Variants in CEP83 observed in about 807,000 individuals in gnomAD.
CEP83 encodes the protein centrosomal protein of 83 kDa.
In CEP83, 70 loss-of-function variants were observed where a neutral mutation model predicts 101.9. That is an observed-to-expected ratio of 0.69 (90% CI 0.57 to 0.84). The LOEUF (loss-of-function observed/expected upper bound fraction) is 0.84. CEP83 is among the 40% of genes least tolerant of loss of function. The pLI is 0.00. For missense variants in CEP83, 715 were observed against 787.2 expected, an observed-to-expected ratio of 0.91 and a Z score of 1.10; for synonymous variants, 264 against 267.9, an observed-to-expected ratio of 0.99 and a Z score of 0.14.
chr12:94,412,448 T>C lies in CEP83; in HGVS notation c.43A>G (p.Asn15Asp). 1 of 1,612,834 alleles carries C rather than the reference T, an allele frequency of 6.2e-7. No individual in the cohort carries two copies. Among genetic ancestry groups the C allele is most frequent in the Non-Finnish European group, 8.5e-7 (1 of 1,179,540 alleles). Residue 15 changes from asparagine to aspartate, a missense_variant, in exon 3 of 17, where the codon AAT (asparagine) becomes GAT (aspartate). Physicochemically the swap from Asn to Asp is conservative, Grantham distance 23. Coordinates refer to ENST00000397809, the MANE Select transcript of CEP83 (RefSeq NM_016122.3). The stretch of plus-strand genomic sequence containing the variant: ...CCACTGTCTCCACCAGGAGGAAAAT[T>C]ATTGGGAAAAGTGTCCATATCGGTA... Reference protein sequence around the residue: ...TFTDMDTFPNNFPPGGDSGLT... With the variant: ...TFTDMDTFPNDFPPGGDSGLT...
chr12:94,277,856 T>C, the CEP83 span: 1 of 441,024 alleles, frequency 2.3e-6, no homozygotes, highest in Admixed American at 2.4e-5. Flanking sequence ...TTAATCTCCC[T>C]AACAATGCTA....
intron 11 of CEP83, among the ~76,000 whole-genome samples, chr12:94,338,101 C>T (rs1593241172): frequency 6.6e-6 from 1 of 152,058 alleles, no homozygotes; most frequent in East Asian, 1.9e-4. Flanking sequence ...TTGAAGTGAT[C>T]AGTTCTAGGT....
intron 2 of CEP83, among the ~76,000 whole-genome samples, chr12:94,417,827 A>G (rs1384325999): frequency 6.6e-6 from 1 of 152,194 alleles, no homozygotes; most frequent in African/African-American, 2.4e-5. Flanking sequence ...TACATTAAAA[A>G]AAGAAATCCA....
intron 1 of CEP83, among the ~76,000 whole-genome samples, chr12:94,454,636 G>A (rs2067513445): frequency 1.3e-5 from 2 of 152,310 alleles, no homozygotes; most frequent in South Asian, 4.1e-4. Flanking sequence ...TCCATGCCGT[G>A]GAAGCTCTGT....
the CEP83 span, among the ~76,000 whole-genome samples, chr12:94,299,228 G>T: frequency 6.6e-6 from 1 of 152,172 alleles, no homozygotes; most frequent in Non-Finnish European, 1.5e-5. Context: ...GCAGTACTCA[G>T]ATACTATGAG....
At chr12:94,422,769 T>C (rs2064860839) in intron 2 of CEP83, among the ~76,000 whole-genome samples, 3 of 152,266 alleles carry the variant, frequency 2.0e-5, no homozygotes, top group Middle Eastern at 3.2e-3. Flanking sequence ...ACCTATGTTT[T>C]TGTGTATCTC....
chr12:94,411,766 C>T lies in CEP83; in HGVS notation c.255G>A (p.Gln85=). ...CTCCTCTTAGTTCTTCAAGCAGGAG[C>T]TGAAGTTTTTCCTGCTGAGTTTGCT... ...NEKQTQQEKL[Q]LLLEELRGEL... Residue 85 remains glutamine (Q), a synonymous_variant, in exon 4 of 17, where the codon CAG becomes CAA. Coordinates refer to ENST00000397809, the MANE Select transcript of CEP83 (RefSeq NM_016122.3). 6.2e-7 allele frequency: 1 copy of T among 1,610,446 alleles called. No individual in the cohort carries two copies. Among genetic ancestry groups the T allele is most frequent in the Non-Finnish European group, 8.5e-7 (1 of 1,177,124 alleles).
intron 11 of CEP83, among the ~76,000 whole-genome samples, chr12:94,350,781 T>C (rs2060163644): frequency 6.6e-6 from 1 of 152,026 alleles, no homozygotes; most frequent in Non-Finnish European, 1.5e-5. Context: ...TAAACAAGAA[T>C]AAAAAATAAA....
the CEP83 span, among the ~76,000 whole-genome samples, chr12:94,274,174 A>T: frequency 6.7e-6 from 1 of 149,314 alleles, no homozygotes; most frequent in Admixed American, 6.7e-5. Context: ...AAAAAAAAAA[A>T]AAAAAAAAAA....
In CEP83 at chr12:94,307,845, A is replaced by T. The variant is rs536858409; in HGVS notation, c.*968T>A. On this transcript the variant is annotated 3_prime_UTR_variant, in exon 17 of 17. Transcript: ENST00000397809. ...GCTAAATGGTGCTAAGGACTGCTCAATTACAGTCCTGGCCTTCTTCACTAT... is the reference window on the plus strand; with the variant it reads ...GCTAAATGGTGCTAAGGACTGCTCATTTACAGTCCTGGCCTTCTTCACTAT... The T allele has an allele frequency of 6.6e-6, 1 of 152,192 alleles. No homozygotes were observed. The allele number at this position is 152,192 out of a possible 1,614,324, so 9.4% of individuals were successfully genotyped here.
rs1325649572 is a variant in CEP83, at chr12:94,367,931, C to T, written c.1206G>A (p.Glu402=). The T allele has an allele frequency of 6.2e-7, 1 of 1,613,220 alleles. No individual in the cohort carries two copies. Among genetic ancestry groups the T allele is most frequent in the Non-Finnish European group, 8.5e-7 (1 of 1,179,590 alleles). The change falls in exon 11 of 17, where the codon GAG becomes GAA. Residue 402 remains glutamate, a synonymous_variant. Transcript: ENST00000397809. ...TTTTCTCCAAATCTGCTAATCTGTT[C>T]TCGAGTTCTAACCTAAAACAAGAGA... The part of the protein sequence containing the change: ...VVLQDEKLEL[E]NRLADLEKMK...
chr12:94,310,158 C>G (rs1565887204), intron 15 of CEP83, 51 bp from the exon 16 acceptor site: 1 of 830,242 alleles, frequency 1.2e-6, no homozygotes. Flanking sequence ...CCTATTGAAG[C>G]ACAGTATGAT....
At chr12:94,270,526 A>G in the CEP83 span, among the ~76,000 whole-genome samples, 1 of 152,158 alleles carries the variant, frequency 6.6e-6, no homozygotes, top group Non-Finnish European at 1.5e-5. Context: ...CAGCAATGGA[A>G]ATGCCTTGCC....
intron 11 of CEP83, among the ~76,000 whole-genome samples, chr12:94,361,757 A>T (rs2060773672): frequency 6.6e-6 from 1 of 151,692 alleles, no homozygotes. Context: ...GCTGGGGTGC[A>T]ATGGCATGGT....
At chr12:94,432,061 T>G (rs1397452342) in intron 2 of CEP83, among the ~76,000 whole-genome samples, 10 of 151,308 alleles carry the variant, frequency 6.6e-5, no homozygotes, top group Admixed American at 6.6e-4. Flanking sequence ...ACTTTTTCTT[T>G]TTTTTTTTTT....
rs1427993677 is a variant in CEP83 at position 94,459,863 on chromosome 12, G to A, written c.-461C>T. The A allele has an allele frequency of 6.5e-6, 1 of 153,418 alleles. No homozygotes were observed. Among genetic ancestry groups the A allele is most frequent in the Non-Finnish European group, 1.5e-5 (1 of 68,896 alleles). 9.5% of individuals were successfully genotyped at this position (153,418 alleles called of 1,614,324 possible). A position where few individuals can be genotyped will look rare whatever the true frequency, so the allele number is the denominator to read the frequency against. On this transcript the variant is annotated 5_prime_UTR_variant, in exon 1 of 17. Coordinates refer to ENST00000397809, the MANE Select transcript of CEP83 (RefSeq NM_016122.3). ...TCCTCCGCGTGGACCGGGATCCTCA[G>A]GGGTGCGGCGCCACCCCACGTGCTG...
intron 1 of CEP83, among the ~76,000 whole-genome samples, chr12:94,448,579 A>C (rs1594133401): frequency 6.6e-6 from 1 of 152,320 alleles, no homozygotes; most frequent in East Asian, 1.9e-4. Flanking sequence ...ACTCATAAAA[A>C]ATGTGTGATC....
intron 2 of CEP83, chr12:94,423,662 G>T: frequency 1.3e-6 from 2 of 1,563,872 alleles, no homozygotes; most frequent in African/African-American, 1.4e-5. Flanking sequence ...TCCATTCCTG[G>T]TTAACCCTCT....
chr12:94,355,315 A>C (rs1425550667), intron 11 of CEP83, among the ~76,000 whole-genome samples: 1 of 152,038 alleles, frequency 6.6e-6, no homozygotes, highest in African/African-American at 2.4e-5. Flanking sequence ...AACACCGTGA[A>C]ACCCCATCTC....
Sources: allele counts gnomAD v4.1 joint callset (sites outside exome capture counted in the v4.1 genomes callset), GRCh38; gene constraint gnomAD v4.1.1; transcripts MANE v1.5; gene names NCBI Gene and HGNC (gene_info 2026-07-23, HGNC 2026-07-21).